The following PRKN variants were observed in gnomAD, a reference collection of about 807,000 sequenced individuals.
The protein encoded by PRKN is E3 ubiquitin-protein ligase parkin.
A neutral mutation model predicts 59.5 loss-of-function variants in PRKN; 56 were observed. The observed-to-expected ratio is 0.94, with a 90% CI of 0.76 to 1.18. The LOEUF (loss-of-function observed/expected upper bound fraction) is 1.18, where lower values mean the gene tolerates loss of function less well. Among genes scored for constraint, PRKN ranks in the 50% most tolerant of loss-of-function variants. PRKN has a pLI of 0.00. For synonymous variants in PRKN, 250 were observed against 222.1 expected (o/e 1.13, Z -1.12); for missense variants, 657 against 596.4 (o/e 1.10, Z -1.06).
At chr6:161,404,866 G>A (rs1023216035) in intron 9 of PRKN, among the ~76,000 whole-genome samples, 1 of 152,114 alleles carries the variant, frequency 6.6e-6, no homozygotes, top group Non-Finnish European at 1.5e-5. Context: ...CTTTCAAGTC[G>A]GTAGCAACAT....
At chr6:161,901,675 A>T (rs930368125) in intron 6 of PRKN, among the ~76,000 whole-genome samples, 1 of 152,214 alleles carries the variant, frequency 6.6e-6, no homozygotes, top group African/African-American at 2.4e-5. Flanking sequence ...AAGGACATAA[A>T]AATGTAGATA....
intron 6 of PRKN, among the ~76,000 whole-genome samples, chr6:161,917,665 A>G (rs752226800): frequency 2.6e-5 from 4 of 152,214 alleles, no homozygotes; most frequent in Non-Finnish European, 4.4e-5. Context: ...CAGACAACAA[A>G]TGTTTACAAC....
chr6:161,757,875 G>GTA (rs369226880), intron 7 of PRKN, among the ~76,000 whole-genome samples: 4,339 of 23,424 alleles, frequency 0.19, 326 homozygotes, highest in Admixed American at 0.35. Flanking sequence ...CTCTCTCTGT[G>GTA]TATATATATA....
rs1219275905 is a variant in PRKN at position 161,592,665 on chromosome 6, T to C, written c.872-23249A>G. Among the ~76,000 whole-genome samples the C allele has an allele frequency of 6.6e-6, 1 of 151,872 alleles. No homozygotes were observed. The highest frequency in any genetic ancestry group is 1.5e-5 in the Non-Finnish European group (1 of 67,980). ...ATGGAGAAAGATGAAGCAGGGAAAC[T>C]GTTGGAGGGAGAGGGAGGATCTGGA... On this transcript the variant is annotated intron_variant, in intron 7 of 11. Coordinates refer to ENST00000366898, the MANE Select transcript of PRKN (RefSeq NM_004562.3). The surrounding 1 kb of genome is among the most constrained non-coding windows in gnomAD (Gnocchi z 4.8).
chr6:161,545,466 C>T lies in PRKN; in HGVS notation c.1083+3388G>A. 2.0e-6 allele frequency: 3 copies of T among 1,491,556 alleles called. No homozygotes were observed. The highest frequency in any genetic ancestry group is 2.8e-6 in the Non-Finnish European group (3 of 1,069,856). The allele number at this position is 1,491,556 out of a possible 1,614,324, so 92.4% of individuals were successfully genotyped here. A position where few individuals can be genotyped will look rare whatever the true frequency, so the allele number is the denominator to read the frequency against. ...TGAGAGCAAAGAGTAAAAAGAGATT[C>T]ACCTTCTTCTAACTTTTATGTATTT... is the stretch of plus-strand genomic sequence containing the variant. On this transcript the variant is annotated intron_variant, in intron 9 of 11. Coordinates refer to ENST00000366898, the MANE Select transcript of PRKN (RefSeq NM_004562.3). The surrounding 1 kb of genome is among the most constrained non-coding windows in gnomAD (Gnocchi z 4.1).
intron 6 of PRKN, among the ~76,000 whole-genome samples, chr6:161,911,748 C>T (rs556336630): frequency 1.9e-4 from 29 of 152,022 alleles, no homozygotes; most frequent in Non-Finnish European, 4.0e-4. Flanking sequence ...TGGGTCATTC[C>T]GTAATACAGT....
rs71278562 is a variant in PRKN at position 162,558,327 on chromosome 6, C to CT, written c.8-114855dup. ...TTTTAAGCAAATGCTTTAATTTTCCCTTTTTTTTTTTTTTTTTCTGAGACG... is the reference window on the plus strand; with the variant it reads ...TTTTAAGCAAATGCTTTAATTTTCCCTTTTTTTTTTTTTTTTTTCTGAGACG... On this transcript the variant is annotated intron_variant, in intron 1 of 11. Transcript: ENST00000366898. 3.7e-3 allele frequency among the ~76,000 whole-genome samples: 485 copies of CT among 132,734 alleles called. 2 individuals carry two copies. Among genetic ancestry groups the CT allele is most frequent in the Middle Eastern group, 8.3e-3 (2 of 240 alleles). The allele number at this position is 132,734 out of a possible 152,430, so 87.1% of individuals were successfully genotyped here.
intron 1 of PRKN, among the ~76,000 whole-genome samples, chr6:162,546,105 T>G (rs1779107490): frequency 6.8e-6 from 1 of 147,782 alleles, no homozygotes; most frequent in Admixed American, 6.7e-5. Flanking sequence ...ATGCAGTTTT[T>G]TTTTTTTTTT....
At chr6:162,566,744 A>C (rs770781179) in intron 1 of PRKN, among the ~76,000 whole-genome samples, 1 of 152,182 alleles carries the variant, frequency 6.6e-6, no homozygotes, top group African/African-American at 2.4e-5. Flanking sequence ...AAACTATTCC[A>C]AAAGACAGAG....
At chr6:162,103,144 ATAAG>A (rs1403376236) in intron 4 of PRKN, among the ~76,000 whole-genome samples, 2 of 152,024 alleles carry the variant, frequency 1.3e-5, no homozygotes, top group African/African-American at 4.8e-5. Flanking sequence ...AGAGGGTTTT[ATAAG>A]TGAGTTCCAC....
chr6:162,450,095 G>A (rs143222841), intron 1 of PRKN, among the ~76,000 whole-genome samples: 10 of 152,282 alleles, frequency 6.6e-5, no homozygotes, highest in African/African-American at 2.4e-4. Flanking sequence ...AGAAGAAAAT[G>A]AGTCAGAAAG....
At chr6:161,629,995 G>C (rs1562569377) in intron 7 of PRKN, among the ~76,000 whole-genome samples, 1 of 152,214 alleles carries the variant, frequency 6.6e-6, no homozygotes, top group Non-Finnish European at 1.5e-5. Flanking sequence ...GAGTTCACAA[G>C]CTTTGGTGCA....
At chr6:162,430,657 T>C (rs1789477511) in intron 2 of PRKN, among the ~76,000 whole-genome samples, 1 of 152,082 alleles carries the variant, frequency 6.6e-6, no homozygotes, top group African/African-American at 2.4e-5. Context: ...AGTCATATCA[T>C]TGATCCTAAA....
intron 9 of PRKN, among the ~76,000 whole-genome samples, chr6:161,435,571 G>A (rs185957096): frequency 6.7e-4 from 102 of 151,808 alleles, no homozygotes; most frequent in East Asian, 7.9e-4. Flanking sequence ...TGCTATCCCC[G>A]TTTTACCATT....
At chr6:162,643,656 CTA>C (rs546218072) in intron 1 of PRKN, among the ~76,000 whole-genome samples, 132 of 152,096 alleles carry the variant, frequency 8.7e-4, no homozygotes, top group African/African-American at 3.1e-3. Context: ...AAAGCAATCA[CTA>C]TGTGAATTTA....
chr6:162,237,145 T>C (rs769095356), intron 3 of PRKN, among the ~76,000 whole-genome samples: 6 of 152,314 alleles, frequency 3.9e-5, no homozygotes, highest in South Asian at 2.1e-4. Context: ...AAATGCTTTT[T>C]ACGAGGTTAG....
chr6:162,189,250 C>A (rs553207920), intron 4 of PRKN, among the ~76,000 whole-genome samples: 11 of 150,232 alleles, frequency 7.3e-5, no homozygotes, highest in African/African-American at 1.7e-4. Context: ...TTCTAATTAT[C>A]TTCTATAGGA....
chr6:161,423,749 C>T lies in PRKN; in HGVS notation c.1084-36872G>A, dbSNP rs941561451. Among the ~76,000 whole-genome samples, 1 of 152,172 alleles carries T rather than the reference C, an allele frequency of 6.6e-6. No individual in the cohort carries two copies. The highest frequency in any genetic ancestry group is 1.5e-5 in the Non-Finnish European group (1 of 68,032). On this transcript the variant is annotated intron_variant, in intron 9 of 11. Coordinates refer to ENST00000366898, the MANE Select transcript of PRKN (RefSeq NM_004562.3). The surrounding 1 kb of genome is among the most constrained non-coding windows in gnomAD (Gnocchi z 5.9). ...CTTGTTCCTGGTCTCATAGGCTACA[C>T]ACAACCACTATCATCTTTCTCCACC...
At chr6:161,936,505 G>A (rs1216723515) in intron 6 of PRKN, among the ~76,000 whole-genome samples, 2 of 151,482 alleles carry the variant, frequency 1.3e-5, no homozygotes, top group African/African-American at 4.9e-5. Context: ...CACCATGCCC[G>A]GCTGGTAACA....
Sources: gnomAD v4.1 joint callset for allele counts (sites outside exome capture counted in the v4.1 genomes callset) on GRCh38, gnomAD v4.1.1 for gene constraint, Gnocchi (gnomAD v3.1) non-coding constraint, MANE v1.5 for transcripts, NCBI Gene and HGNC (gene_info 2026-07-23, HGNC 2026-07-21) for gene names.